Variants in C8orf34 observed in about 807,000 individuals in gnomAD.
C8orf34 encodes the protein chromosome 8 open reading frame 34, also known as uncharacterized protein C8orf34.
Under a neutral mutation model 68.3 loss-of-function variants are expected in C8orf34, and 65 were observed. That is an observed-to-expected ratio of 0.95 (90% confidence interval 0.78 to 1.17). The LOEUF (loss-of-function observed/expected upper bound fraction) is 1.17. C8orf34 is among the 50% of genes most tolerant of loss of function. The pLI, the probability that C8orf34 is intolerant of heterozygous loss-of-function variation, is 0.00. For synonymous variants in C8orf34, 244 were observed against 241.2 expected (o/e 1.01, Z -0.11); for missense variants, 664 against 655.4 (o/e 1.01, Z -0.14).
chr8:68,613,493 T>C (rs1426040600), intron 7 of C8orf34, among the ~76,000 whole-genome samples: 2 of 141,476 alleles, frequency 1.4e-5, no homozygotes, highest in African/African-American at 5.6e-5. Flanking sequence ...CCTGTGTCCA[T>C]GTGTTCTCAT....
In C8orf34 at chr8:68,528,734, G is replaced by C. The variant is rs184234661; in HGVS notation, c.939-4249G>C. Among the ~76,000 whole-genome samples, 49 of 152,224 alleles carry C rather than the reference G, an allele frequency of 3.2e-4. No homozygotes were observed. The East Asian group carries it at 8.7e-3, about 27-fold the overall frequency. On this transcript the variant is annotated intron_variant, in intron 6 of 13. Coordinates refer to ENST00000518698, the MANE Select transcript of C8orf34 (RefSeq NM_052958.4). ...CATTCACATATTCACTCTCCTCAATGATGACTTCACATTTTTCCTGCTCTC... is the reference window on the plus strand; with the variant it reads ...CATTCACATATTCACTCTCCTCAATCATGACTTCACATTTTTCCTGCTCTC...
intron 1 of C8orf34, among the ~76,000 whole-genome samples, chr8:68,414,633 C>T (rs1809587049): frequency 6.6e-6 from 1 of 152,100 alleles, no homozygotes; most frequent in Admixed American, 6.6e-5. Context: ...AAGAACTCCT[C>T]AGAGAACTGC....
intron 8 of C8orf34, among the ~76,000 whole-genome samples, chr8:68,683,303 G>A (rs1304792103): frequency 6.6e-6 from 1 of 151,518 alleles, no homozygotes; most frequent in African/African-American, 2.4e-5. Flanking sequence ...AAGACTATCA[G>A]TCTTGCTCAC....
intron 1 of C8orf34, among the ~76,000 whole-genome samples, chr8:68,337,021 T>C (rs1295194824): frequency 6.6e-6 from 1 of 152,184 alleles, no homozygotes; most frequent in Non-Finnish European, 1.5e-5. Context: ...TACCTTATAG[T>C]AGAATGCCAA....
intron 10 of C8orf34, among the ~76,000 whole-genome samples, chr8:68,773,420 G>T (rs1426199984): frequency 6.6e-6 from 1 of 151,184 alleles, no homozygotes; most frequent in African/African-American, 2.4e-5. Flanking sequence ...TTTTCTTCTG[G>T]GACGGAGTCT....
chr8:68,347,737 C>T (rs1300097166), intron 1 of C8orf34, among the ~76,000 whole-genome samples: 5 of 151,464 alleles, frequency 3.3e-5, no homozygotes, highest in African/African-American at 9.7e-5. Context: ...TTTTTTCATA[C>T]ATGTGTTGGC....
intron 8 of C8orf34, among the ~76,000 whole-genome samples, chr8:68,682,774 T>TG (rs112665360): frequency 0.19 from 28,771 of 152,172 alleles, 2,959 homozygotes; most frequent in Middle Eastern, 0.35. Flanking sequence ...AAAAATTAAC[T>TG]TTAGAACATA....
In C8orf34 at chr8:68,420,871, C is replaced by T. The variant is rs146048859; in HGVS notation, c.328-18628C>T. On this transcript the variant is annotated intron_variant, in intron 1 of 13. Transcript: ENST00000518698. ...AGAATGAAGCAGATAGAAACAAAAT[C>T]ATGGAAAAAAAAAAAAGAATAGAAA... Among the ~76,000 whole-genome samples the T allele has an allele frequency of 3.4e-4, 44 of 131,276 alleles. No individual in the cohort carries two copies. In the East Asian group the frequency reaches 6.1e-3, roughly 18 times the overall value. The allele number at this position is 131,276 out of a possible 152,430, so 86.1% of individuals were successfully genotyped here.
intron 1 of C8orf34, among the ~76,000 whole-genome samples, chr8:68,343,719 G>A (rs867503039): frequency 1.1e-4 from 17 of 151,914 alleles, no homozygotes; most frequent in African/African-American, 3.6e-4. Flanking sequence ...TCAGCCTCAC[G>A]AGTAGCTGGC....
chr8:68,675,933 G>A (rs1406981936), intron 8 of C8orf34, among the ~76,000 whole-genome samples: 1 of 152,148 alleles, frequency 6.6e-6, no homozygotes, highest in African/African-American at 2.4e-5. Context: ...AAGAGCAGGA[G>A]TAGCTATACT....
chr8:68,765,844 A>T (rs545691544), intron 10 of C8orf34, among the ~76,000 whole-genome samples: 45 of 152,372 alleles, frequency 3.0e-4, no homozygotes, highest in Admixed American at 8.5e-4. Context: ...GTTAAGGATT[A>T]AAAATATAAT....
chr8:68,341,562 G>T (rs1208499102), intron 1 of C8orf34, among the ~76,000 whole-genome samples: 1 of 152,094 alleles, frequency 6.6e-6, no homozygotes, highest in African/African-American at 2.4e-5. Flanking sequence ...AGTGTTGAAG[G>T]TGGGGCCTGG....
chr8:68,421,674 C>T (rs956016305), intron 1 of C8orf34, among the ~76,000 whole-genome samples: 3 of 152,154 alleles, frequency 2.0e-5, no homozygotes, highest in African/African-American at 4.8e-5. Flanking sequence ...TGAGGCTGAA[C>T]AAACCCTGGC....
rs1459697028 is a variant in C8orf34, at chr8:68,365,072, C to T, written c.327+33733C>T. On this transcript the variant is annotated intron_variant, in intron 1 of 13. Coordinates refer to ENST00000518698, the MANE Select transcript of C8orf34 (RefSeq NM_052958.4). Reference sequence around the variant, plus strand: ...AAAATGATAAAGGGAATATCACCACCGATCCCACAGAAATACAAACTACCA... The same window carrying T: ...AAAATGATAAAGGGAATATCACCACTGATCCCACAGAAATACAAACTACCA... 6.4e-3 allele frequency among the ~76,000 whole-genome samples: 951 copies of T among 149,242 alleles called. 12 individuals carry two copies. The highest frequency in any genetic ancestry group is 0.022 in the African/African-American group (899 of 40,498).
intron 12 of C8orf34, among the ~76,000 whole-genome samples, chr8:68,792,869 G>C (rs181841024): frequency 1.1e-3 from 166 of 151,998 alleles, no homozygotes; most frequent in African/African-American, 3.8e-3. Flanking sequence ...TGTGATATGT[G>C]TGTGTATGAG....
intron 7 of C8orf34, among the ~76,000 whole-genome samples, chr8:68,605,764 G>A (rs1817835804): frequency 6.6e-6 from 1 of 152,076 alleles, no homozygotes; most frequent in East Asian, 1.9e-4. Flanking sequence ...TTAGGACAGT[G>A]AAACAATTCT....
intron 6 of C8orf34, 34 bp downstream of exon 6, chr8:68,522,005 C>T (rs1255399921): frequency 1.3e-6 from 2 of 1,567,508 alleles, no homozygotes; most frequent in Non-Finnish European, 1.7e-6. Context: ...TTCTATATTA[C>T]TAGTCATTAA....
At chr8:68,575,962 T>G (rs1438288495) in intron 7 of C8orf34, among the ~76,000 whole-genome samples, 2 of 150,296 alleles carry the variant, frequency 1.3e-5, no homozygotes, top group Non-Finnish European at 1.5e-5. Flanking sequence ...GGTTGTTTTT[T>G]TTTTTTTTTT....
chr8:68,670,433 C>T (rs1819973043), intron 8 of C8orf34, among the ~76,000 whole-genome samples: 1 of 152,108 alleles, frequency 6.6e-6, no homozygotes, highest in Admixed American at 6.6e-5. Context: ...TAAAAATCTG[C>T]CACCATACAC....
Sources: gnomAD v4.1 joint callset for allele counts (sites outside exome capture counted in the v4.1 genomes callset) on GRCh38, gnomAD v4.1.1 for gene constraint, MANE v1.5 for transcripts, NCBI Gene and HGNC (gene_info 2026-07-23, HGNC 2026-07-21) for gene names.